ZCCHC10: variants seen among roughly 807,000 people sequenced by gnomAD.
The protein encoded by ZCCHC10 is zinc finger CCHC domain-containing protein 10.
ZCCHC10 carries 16 observed loss-of-function variants against 19.5 expected under a neutral mutation model. The ratio of observed to expected loss-of-function variants is 0.82; its 90% CI spans 0.56 to 1.25. The LOEUF is 1.25. Ranked by LOEUF, ZCCHC10 falls within the 50% of genes most tolerant of loss-of-function variation. The pLI, the probability that ZCCHC10 is intolerant of heterozygous loss-of-function variation, is 0.00. For synonymous variants in ZCCHC10, 67 were observed against 72.5 expected, an observed-to-expected ratio of 0.92 and a Z score of 0.38; for missense variants, 197 against 201.0, an observed-to-expected ratio of 0.98 and a Z score of 0.12.
At chr5:133,000,080 C>T (rs1762663353) in intron 4 of ZCCHC10, 52 bp downstream of exon 4, 38 of 1,580,820 alleles carry the variant, frequency 2.4e-5, no homozygotes, top group Non-Finnish European at 3.1e-5. Flanking sequence ...TTTCCCATCC[C>T]GCCAATTAGT....
chr5:133,024,832 G>A (rs1003902596), intron 1 of ZCCHC10, among the ~76,000 whole-genome samples: 1 of 152,042 alleles, frequency 6.6e-6, no homozygotes. Context: ...GAACCAGGGA[G>A]GCAGAGGTTG....
chr5:133,009,613 C>CAAAA (rs59555378), intron 2 of ZCCHC10, among the ~76,000 whole-genome samples: 1,973 of 55,446 alleles, frequency 0.036, 185 homozygotes, highest in African/African-American at 0.12. Context: ...GACTCCGTCT[C>CAAAA]AAAAAAAAAA....
rs1252526649 is a variant in ZCCHC10, at chr5:133,006,808, G to A, written c.220C>T (p.Leu74=). Residue 74 remains leucine (L), a synonymous_variant, in exon 3 of 5, where the codon CTA becomes TTA. Coordinates refer to ENST00000509437, the MANE Select transcript of ZCCHC10 (RefSeq NM_001300816.3). ...YLHRPSRTAE[L]KKALKEKENR... ...TCTTTTTCTTTTAAAGCTTTCTTTAGTTCTGCTGTCCTTGAGGGCCTATGT... is the reference window on the plus strand; with the variant it reads ...TCTTTTTCTTTTAAAGCTTTCTTTAATTCTGCTGTCCTTGAGGGCCTATGT... 1 of 1,610,504 alleles carries A rather than the reference G, an allele frequency of 6.2e-7. No individual in the cohort carries two copies. Among genetic ancestry groups the A allele is most frequent in the Non-Finnish European group, 8.5e-7 (1 of 1,179,152 alleles).
At chr5:133,007,544 C>CAA (rs58700549) in intron 2 of ZCCHC10, among the ~76,000 whole-genome samples, 15 of 119,308 alleles carry the variant, frequency 1.3e-4, no homozygotes, top group Non-Finnish European at 2.0e-4. Context: ...CTCCGTCTCA[C>CAA]AAAAAAAAAA....
At chr5:133,016,458 T>C (rs1033564327) in intron 2 of ZCCHC10, among the ~76,000 whole-genome samples, 5 of 152,174 alleles carry the variant, frequency 3.3e-5, no homozygotes, top group African/African-American at 1.2e-4. Context: ...TTTTTTTTAT[T>C]CTGAGACGGA....
In ZCCHC10 at chr5:132,998,437, T is replaced by A. The variant is rs1762553678; in HGVS notation, c.*146A>T. ...TATAAGCCATTATTAATATTCTCTA[T>A]GCTCTTACAATGTAAAACATTTAGA... On this transcript the variant is annotated 3_prime_UTR_variant, in exon 5 of 5. Coordinates refer to ENST00000509437, the MANE Select transcript of ZCCHC10 (RefSeq NM_001300816.3). The A allele has an allele frequency of 5.9e-6, 4 of 679,214 alleles. No individual in the cohort carries two copies. Among genetic ancestry groups the A allele is most frequent in the Non-Finnish European group, 9.7e-6 (4 of 410,752 alleles). The allele number at this position is 679,214 out of a possible 1,614,324, so 42.1% of individuals were successfully genotyped here. A position where few individuals can be genotyped will look rare whatever the true frequency, so the allele number is the denominator to read the frequency against.
intron 3 of ZCCHC10, 53 bp downstream of exon 3, chr5:133,006,706 A>G (rs1229244745): frequency 6.7e-7 from 1 of 1,499,548 alleles, no homozygotes; most frequent in Non-Finnish European, 8.9e-7. Flanking sequence ...CCTTTAATAA[A>G]TTCTATATAC....
intron 2 of ZCCHC10, among the ~76,000 whole-genome samples, chr5:133,008,394 T>C (rs1445186652): frequency 6.4e-5 from 9 of 140,788 alleles, no homozygotes; most frequent in South Asian, 4.6e-4. Flanking sequence ...AAAAATTAGC[T>C]GGGCGTGGTG....
At chr5:133,001,325 AG>A (rs1298307057) in intron 3 of ZCCHC10, among the ~76,000 whole-genome samples, 2 of 151,894 alleles carry the variant, frequency 1.3e-5, no homozygotes, top group Admixed American at 6.6e-5. Context: ...TGGGAGGCAG[AG>A]GTTGCAGTGA....
In ZCCHC10 at chr5:132,998,473, T is replaced by A; in HGVS notation, c.*110A>T. The A allele has an allele frequency of 1.1e-6, 1 of 930,178 alleles. No homozygotes were observed. Among genetic ancestry groups the A allele is most frequent in the Non-Finnish European group, 1.6e-6 (1 of 631,424 alleles). 57.6% of individuals were successfully genotyped at this position (930,178 alleles called of 1,614,324 possible). On this transcript the variant is annotated 3_prime_UTR_variant, in exon 5 of 5. Transcript: ENST00000509437. Reference sequence around the variant, plus strand: ...TGTAAAACATTTAGAAACTTTTGAATTCTAGAAATGTTCACCAGTTAACCT... The same window carrying A: ...TGTAAAACATTTAGAAACTTTTGAAATCTAGAAATGTTCACCAGTTAACCT...
chr5:133,001,016 G>A (rs1288536985), intron 3 of ZCCHC10, among the ~76,000 whole-genome samples: 2 of 151,942 alleles, frequency 1.3e-5, no homozygotes, highest in East Asian at 1.9e-4. Flanking sequence ...ATAAAGTCTG[G>A]TAAATTTGAA....
chr5:133,006,724 A>G, intron 3 of ZCCHC10, 35 bp downstream of exon 3: 1 of 1,559,760 alleles, frequency 6.4e-7, no homozygotes. Context: ...TACACATTAA[A>G]AAAATATTCC....
At chr5:133,000,477 T>TA (rs1762697470) in intron 3 of ZCCHC10, among the ~76,000 whole-genome samples, 2 of 152,156 alleles carry the variant, frequency 1.3e-5, no homozygotes, top group African/African-American at 2.4e-5. Flanking sequence ...CTTAGGCTGA[T>TA]ATAGCTGTAT....
In ZCCHC10 at chr5:133,022,848, C is replaced by T. The variant is rs770267604; in HGVS notation, c.100G>A (p.Val34Ile). ...TFWILIQPSI[V>I]ISEANKQHVR... is the part of the protein sequence containing the mutation. The stretch of plus-strand genomic sequence containing the variant: ...CAAAGCTGAGAGGGATACCTAATAA[C>T]GATGGATGGCTGAATCAGGATCCAA... The change falls in exon 2 of 5, where the codon GTT (valine) becomes ATT (isoleucine). Residue 34 changes from valine to isoleucine, a missense_variant. Physicochemically the swap from Val to Ile is conservative, Grantham distance 29 (BLOSUM62 3). Coordinates refer to ENST00000509437, the MANE Select transcript of ZCCHC10 (RefSeq NM_001300816.3). 2.6e-5 allele frequency: 16 copies of T among 608,136 alleles called. No homozygotes were observed. The Middle Eastern group carries it at 7.5e-4, about 28-fold the overall frequency. The allele number at this position is 608,136 out of a possible 1,614,324, so 37.7% of individuals were successfully genotyped here.
chr5:133,003,325 T>G (rs1355197612), intron 3 of ZCCHC10: 2 of 427,896 alleles, frequency 4.7e-6, no homozygotes, highest in African/African-American at 4.1e-5. Flanking sequence ...TCAGTGAATG[T>G]GGATTACAGC....
intron 3 of ZCCHC10, among the ~76,000 whole-genome samples, chr5:133,004,362 C>T (rs978999730): frequency 2.6e-5 from 4 of 151,998 alleles, no homozygotes; most frequent in East Asian, 1.9e-4. Context: ...TTAGTAGAGA[C>T]GGGGTTTCTC....
intron 1 of ZCCHC10, 111 bp from the exon 2 acceptor site, chr5:133,023,017 G>T (rs887803357): frequency 5.0e-6 from 2 of 397,276 alleles, no homozygotes; most frequent in Admixed American, 8.9e-5. Flanking sequence ...AGAAAACAAG[G>T]TTTTTTAACT....
intron 3 of ZCCHC10, among the ~76,000 whole-genome samples, chr5:133,005,978 C>CTTTTTTTT (rs760600232): frequency 5.1e-5 from 5 of 97,782 alleles, no homozygotes; most frequent in Non-Finnish European, 9.6e-5. Flanking sequence ...GAAGATGCTG[C>CTTTTTTTT]TTTTTTTTTT....
chr5:133,014,428 G>C (rs1270300234), intron 2 of ZCCHC10, among the ~76,000 whole-genome samples: 2 of 152,058 alleles, frequency 1.3e-5, no homozygotes, highest in South Asian at 2.1e-4. Flanking sequence ...GCCTCCCAAA[G>C]TGCTGGGATT....
Sources: allele counts gnomAD v4.1 joint callset (sites outside exome capture counted in the v4.1 genomes callset), GRCh38; gene constraint gnomAD v4.1.1; transcripts MANE v1.5; gene names NCBI Gene and HGNC (gene_info 2026-07-23, HGNC 2026-07-21).